The following KIF3A variants were observed in gnomAD, a reference collection of about 807,000 sequenced individuals.
KIF3A encodes the protein kinesin family member 3A, also known as kinesin-like protein KIF3A.
KIF3A carries 27 observed loss-of-function variants against 92.6 expected under a neutral mutation model. That is an observed-to-expected ratio of 0.29 (90% confidence interval 0.21 to 0.40). The LOEUF is 0.40. Among genes scored for constraint, KIF3A ranks in the 10% least tolerant of loss-of-function variants. KIF3A has a pLI of 1.00. For synonymous variants in KIF3A, 250 were observed against 275.4 expected (o/e 0.91, Z 0.92); for missense variants, 581 against 872.6 (o/e 0.67, Z 4.21).
chr5:132,730,514 C>T (rs978051739), intron 2 of KIF3A, among the ~76,000 whole-genome samples: 2 of 150,874 alleles, frequency 1.3e-5, no homozygotes, highest in Non-Finnish European at 2.9e-5. Flanking sequence ...TGGCCGGGCA[C>T]GGTAGCTCAT....
chr5:132,737,511 A>C lies in KIF3A; in HGVS notation c.-92T>G. 2 of 1,459,488 alleles carry C rather than the reference A, an allele frequency of 1.4e-6. No individual in the cohort carries two copies. Among genetic ancestry groups the C allele is most frequent in the South Asian group, 1.2e-5 (1 of 82,442 alleles). 90.4% of individuals were successfully genotyped at this position (1,459,488 alleles called of 1,614,324 possible). On this transcript the variant is annotated 5_prime_UTR_variant, in exon 1 of 19. Transcript: ENST00000403231. The stretch of plus-strand genomic sequence containing the variant: ...AGAAAGGATGGCCAGAGACTACCGA[A>C]ACACCTCGTTGACGCTCTCGAGACT...
Position 132,734,319 on chromosome 5 carries a change from C to A in KIF3A, c.166G>T (p.Glu56Ter). ...ITVHKTDSSN[E>*]PPKTFTFDTV... ...TCAAAAGTAAATGTCTTTGGAGGTT[C>A]ATTGGAAGAATCAGTCTTATGTACA... The change falls in exon 2 of 19, where the codon GAA becomes TAA. Residue 56 changes from glutamate (E) to a stop codon, truncating the protein, a stop_gained. Coordinates refer to ENST00000403231, the MANE Select transcript of KIF3A (RefSeq NM_001300791.2). LOFTEE classifies it high-confidence loss of function. 6.2e-7 allele frequency: 1 copy of A among 1,614,104 alleles called. No individual in the cohort carries two copies. The highest frequency in any genetic ancestry group is 1.1e-5 in the South Asian group (1 of 91,084).
intron 10 of KIF3A, among the ~76,000 whole-genome samples, chr5:132,708,690 T>C (rs1313827518): frequency 6.6e-6 from 1 of 152,216 alleles, no homozygotes; most frequent in African/African-American, 2.4e-5. Context: ...CTCTCTTCCA[T>C]TGTCTCAAAC....
chr5:132,726,584 G>T, intron 2 of KIF3A, 86 bp from the exon 3 acceptor site: 2 of 1,206,840 alleles, frequency 1.7e-6, no homozygotes, highest in South Asian at 1.4e-5. Context: ...TTGACACTGT[G>T]ATGTAATTTC....
chr5:132,734,543 T>A (rs1754331462), intron 1 of KIF3A, 65 bp from the exon 2 acceptor site: 1 of 1,440,086 alleles, frequency 6.9e-7, no homozygotes, highest in South Asian at 1.4e-5. Context: ...CAGATTAAAT[T>A]TATAAACTTT....
chr5:132,724,833 AT>A (rs1753978043), intron 4 of KIF3A, among the ~76,000 whole-genome samples: 6 of 78,840 alleles, frequency 7.6e-5, no homozygotes, highest in Admixed American at 1.3e-4. Flanking sequence ...ATATATATAT[AT>A]ATATATATAT....
intron 1 of KIF3A, among the ~76,000 whole-genome samples, chr5:132,734,767 T>A (rs1448303349): frequency 6.6e-6 from 1 of 152,216 alleles, no homozygotes; most frequent in Non-Finnish European, 1.5e-5. Flanking sequence ...ATATTATAGA[T>A]CATCTTTTTG....
chr5:132,723,870 G>C (rs558517543), intron 4 of KIF3A: 1 of 152,114 alleles, frequency 6.6e-6, no homozygotes, highest in Non-Finnish European at 1.5e-5. Flanking sequence ...GCAACCTACA[G>C]AATGGGAGAA....
chr5:132,728,055 A>T (rs558454597), intron 2 of KIF3A, among the ~76,000 whole-genome samples: 3 of 152,364 alleles, frequency 2.0e-5, no homozygotes, highest in African/African-American at 7.2e-5. Context: ...TATTAGGAAT[A>T]TAACACTGCA....
At chr5:132,699,344 G>T (rs368997691) in intron 17 of KIF3A, 49 bp from the exon 18 acceptor site, 3 of 1,587,614 alleles carry the variant, frequency 1.9e-6, no homozygotes, top group Non-Finnish European at 2.6e-6. Context: ...AAGAGTTAAA[G>T]CCAGATTTGG....
intron 4 of KIF3A, chr5:132,722,916 T>C (rs1753873646): frequency 6.6e-6 from 1 of 152,234 alleles, no homozygotes. Context: ...TGTGGTCATA[T>C]CTAAGTGTTT....
At chr5:132,724,806 A>AAAATAT (rs59476182) in intron 4 of KIF3A, among the ~76,000 whole-genome samples, 3 of 22,690 alleles carry the variant, frequency 1.3e-4, no homozygotes, top group African/African-American at 1.8e-4. Flanking sequence ...AAAAAAAAAA[A>AAAATAT]ATATATATAT....
intron 8 of KIF3A, among the ~76,000 whole-genome samples, chr5:132,713,190 A>G (rs939934349): frequency 3.9e-5 from 6 of 152,102 alleles, no homozygotes; most frequent in African/African-American, 1.4e-4. Context: ...CAACAACAAC[A>G]ACAAAACAAA....
At chr5:132,703,775 T>G in intron 11 of KIF3A, 156 bp from the exon 12 acceptor site, 3 of 564,918 alleles carry the variant, frequency 5.3e-6, no homozygotes, top group Non-Finnish European at 9.2e-6. Flanking sequence ...TATCATGCAT[T>G]TCCATTTATT....
chr5:132,723,762 C>T (rs1390010109), intron 4 of KIF3A: 1 of 152,184 alleles, frequency 6.6e-6, no homozygotes, highest in Non-Finnish European at 1.5e-5. Context: ...GTCTAAAACA[C>T]CAAAAGCAAT....
intron 12 of KIF3A, among the ~76,000 whole-genome samples, 171 bp downstream of exon 12, chr5:132,703,292 T>C (rs578031588): frequency 6.6e-6 from 1 of 152,238 alleles, no homozygotes; most frequent in Non-Finnish European, 1.5e-5. Flanking sequence ...ATAACCAAAA[T>C]AGATCTAGTT....
intron 5 of KIF3A, among the ~76,000 whole-genome samples, chr5:132,718,093 C>T (rs1753694613): frequency 6.6e-6 from 1 of 152,120 alleles, no homozygotes; most frequent in African/African-American, 2.4e-5. Flanking sequence ...GTAACCACTA[C>T]AATCTGTCCT....
At chr5:132,728,960 A>G (rs1754132617) in intron 2 of KIF3A, among the ~76,000 whole-genome samples, 1 of 152,126 alleles carries the variant, frequency 6.6e-6, no homozygotes, top group South Asian at 2.1e-4. Context: ...AAAAAGGAAC[A>G]AAATAATGGC....
chr5:132,723,297 T>A (rs565487560), intron 4 of KIF3A: 18 of 152,180 alleles, frequency 1.2e-4, no homozygotes, highest in Non-Finnish European at 2.5e-4. Context: ...TGGAAAAAAC[T>A]ACTTTAAAGT....
Sources: allele counts gnomAD v4.1 joint callset (sites outside exome capture counted in the v4.1 genomes callset), GRCh38; gene constraint gnomAD v4.1.1; transcripts MANE v1.5; gene names NCBI Gene and HGNC (gene_info 2026-07-23, HGNC 2026-07-21).